CFAP206: variants seen among roughly 807,000 people sequenced by gnomAD.
The protein encoded by CFAP206 is cilia- and flagella-associated protein 206.
In CFAP206, 53 loss-of-function variants were observed where a neutral mutation model predicts 65.4. That is an observed-to-expected ratio of 0.81 (90% CI 0.65 to 1.02). CFAP206 has a LOEUF of 1.02. Ranked by LOEUF, CFAP206 falls within the 50% of genes least tolerant of loss-of-function variation. The probability of loss-of-function intolerance (pLI) is 0.00; values close to 1 mark genes in which losing one functional copy is unlikely to be tolerated. For missense variants in CFAP206, 663 were observed against 753.2 expected (o/e 0.88, Z 1.40); for synonymous variants, 250 against 254.4 (o/e 0.98, Z 0.17).
At position 87,416,735 on chromosome 6, in the gene CFAP206, A is replaced by G. The variant is rs531112310; in HGVS notation, c.539A>G (p.Lys180Arg). The change falls in exon 6 of 13, where the codon AAA becomes AGA. Residue 180 changes from lysine to arginine, a missense_variant. Physicochemically the swap from Lys to Arg is conservative, Grantham distance 26. Coordinates refer to ENST00000369562, the MANE Select transcript of CFAP206 (RefSeq NM_001031743.3). ...GTFLTLSKKD[K>R]ERQLKELTMI... The stretch of plus-strand genomic sequence containing the variant: ...TTTCTAACTCTTTCTAAGAAGGACA[A>G]AGAACGCCAGCTGAAAGAACTCACC... The G allele has an allele frequency of 1.2e-6, 2 of 1,613,848 alleles. No individual in the cohort carries two copies. Among genetic ancestry groups the G allele is most frequent in the South Asian group, 2.2e-5 (2 of 91,058 alleles).
intron 11 of CFAP206, among the ~76,000 whole-genome samples, chr6:87,453,119 A>C (rs1245923292): frequency 6.6e-6 from 1 of 152,148 alleles, no homozygotes; most frequent in Non-Finnish European, 1.5e-5. Flanking sequence ...GAGCTCCAAT[A>C]CATCTGGCAG....
chr6:87,420,116 C>T (rs1767914100), intron 7 of CFAP206, among the ~76,000 whole-genome samples: 1 of 152,106 alleles, frequency 6.6e-6, no homozygotes, highest in African/African-American at 2.4e-5. Flanking sequence ...AAAACCAAGT[C>T]ACACTCTTGG....
At chr6:87,435,086 C>T (rs1300585591) in intron 11 of CFAP206, 33 bp downstream of exon 11, 5 of 1,437,682 alleles carry the variant, frequency 3.5e-6, no homozygotes, top group East Asian at 2.3e-5. Context: ...GAATTTATGA[C>T]ATTTAAAAAT....
At chr6:87,463,979 C>G in intron 12 of CFAP206, 41 bp from the exon 13 acceptor site, 4 of 1,500,890 alleles carry the variant, frequency 2.7e-6, no homozygotes, top group Non-Finnish European at 3.7e-6. Context: ...GTTATTTGTT[C>G]TTTAGAGAAA....
At chr6:87,458,345 A>G (rs1202796626) in intron 11 of CFAP206, among the ~76,000 whole-genome samples, 1 of 152,174 alleles carries the variant, frequency 6.6e-6, no homozygotes, top group Non-Finnish European at 1.5e-5. Flanking sequence ...GGAAATCAGT[A>G]TATCAAGGAG....
chr6:87,445,396 CCT>C, intron 11 of CFAP206, among the ~76,000 whole-genome samples: 1 of 152,006 alleles, frequency 6.6e-6, no homozygotes, highest in South Asian at 2.1e-4. Flanking sequence ...GTGTGTTGTT[CCT>C]CTCTGTGTCC....
rs538187516 is a variant in CFAP206, at chr6:87,426,920, G to A, written c.960+275G>A. ...TGACAACAGAAATAATCATTGTACT[G>A]TGGTTGAAAATGTATTCATAGTAGC... On this transcript the variant is annotated intron_variant, in intron 8 of 12. Transcript: ENST00000369562. 7.0e-4 allele frequency among the ~76,000 whole-genome samples: 107 copies of A among 152,246 alleles called. 2 individuals carry two copies. The highest frequency in any genetic ancestry group is 2.5e-3 in the African/African-American group (104 of 41,538).
chr6:87,409,359 G>A (rs376007506), intron 1 of CFAP206, among the ~76,000 whole-genome samples: 1 of 151,850 alleles, frequency 6.6e-6, no homozygotes, highest in Non-Finnish European at 1.5e-5. Context: ...GATTACAGGC[G>A]TGTGCCACCA....
intron 6 of CFAP206, 30 bp downstream of exon 6, chr6:87,416,857 G>A: frequency 6.4e-7 from 1 of 1,562,612 alleles, no homozygotes; most frequent in South Asian, 1.2e-5. Flanking sequence ...AATTCTAAAG[G>A]TTATGTATGT....
At chr6:87,437,688 C>T (rs909065797) in intron 11 of CFAP206, among the ~76,000 whole-genome samples, 1 of 151,776 alleles carries the variant, frequency 6.6e-6, no homozygotes, top group African/African-American at 2.4e-5. Context: ...CAGAGGCTCA[C>T]TCTGTAGCCC....
At chr6:87,417,572 T>C (rs1767855399) in intron 6 of CFAP206, among the ~76,000 whole-genome samples, 1 of 149,406 alleles carries the variant, frequency 6.7e-6, no homozygotes. Context: ...TTTTTTTTAA[T>C]AACTAGAAAA....
In CFAP206 at chr6:87,418,377, T is replaced by C. The variant is rs2127948672; in HGVS notation, c.801T>C (p.Tyr267=). Residue 267 remains tyrosine (Y), a synonymous_variant, in exon 7 of 13, where the codon TAT becomes TAC. Transcript: ENST00000369562. ...LQPYMLKEAL[Y]NIRQYEVFLQ... is the part of the protein sequence containing the mutation. ...CATATATGTTAAAAGAAGCGCTATA[T>C]AATATACGACAATATGAGGTCTTCC... 1 of 1,614,170 alleles carries C rather than the reference T, an allele frequency of 6.2e-7. No homozygotes were observed. Among genetic ancestry groups the C allele is most frequent in the South Asian group, 1.1e-5 (1 of 91,090 alleles).
At chr6:87,415,416 T>C (rs1767808314) in intron 4 of CFAP206, 1 of 264,784 alleles carries the variant, frequency 3.8e-6, no homozygotes. Flanking sequence ...TTTTAGCCTT[T>C]TCTGATATCT....
intron 11 of CFAP206, among the ~76,000 whole-genome samples, chr6:87,459,117 C>T (rs934786161): frequency 6.6e-6 from 1 of 151,996 alleles, no homozygotes; most frequent in Non-Finnish European, 1.5e-5. Flanking sequence ...AGATGTTATA[C>T]AAAATTCTAA....
At chr6:87,426,459 C>T in intron 7 of CFAP206, 67 bp from the exon 8 acceptor site, 1 of 1,263,380 alleles carries the variant, frequency 7.9e-7, no homozygotes, top group Non-Finnish European at 1.1e-6. Context: ...CAGGTATGGT[C>T]TGAAACACAT....
intron 6 of CFAP206, 28 bp from the exon 7 acceptor site, chr6:87,418,180 G>C: frequency 6.2e-7 from 1 of 1,604,896 alleles, no homozygotes; most frequent in Non-Finnish European, 8.5e-7. Flanking sequence ...TCTCCTTTAT[G>C]GCTGCCTTTT....
At chr6:87,423,465 G>T (rs535622545) in intron 7 of CFAP206, among the ~76,000 whole-genome samples, 3 of 147,126 alleles carry the variant, frequency 2.0e-5, no homozygotes, top group African/African-American at 7.5e-5. Context: ...AGCTAGGAAG[G>T]TCTCTTATCT....
intron 5 of CFAP206, 130 bp downstream of exon 5, chr6:87,416,004 A>C: frequency 1.4e-6 from 1 of 700,550 alleles, no homozygotes; most frequent in Non-Finnish European, 2.1e-6. Context: ...AAAAATCAGC[A>C]CAAATGAGTT....
At chr6:87,445,098 AG>A in intron 11 of CFAP206, 1 of 468,882 alleles carries the variant, frequency 2.1e-6, no homozygotes, top group South Asian at 1.6e-5. Context: ...ACCATCATTT[AG>A]GGCTTCAGTG....
Sources: gnomAD v4.1 joint callset for allele counts (sites outside exome capture counted in the v4.1 genomes callset) on GRCh38, gnomAD v4.1.1 for gene constraint, MANE v1.5 for transcripts, NCBI Gene and HGNC (gene_info 2026-07-23, HGNC 2026-07-21) for gene names.